The following GARRE1 variants were observed in gnomAD, a reference collection of about 807,000 sequenced individuals.
The protein encoded by GARRE1 is granule associated Rac and RHOG effector protein 1.
A neutral mutation model predicts 103.2 loss-of-function variants in GARRE1; 49 were observed. The observed-to-expected ratio is 0.47, with a 90% CI of 0.38 to 0.60. The LOEUF (loss-of-function observed/expected upper bound fraction) is 0.60. Ranked by LOEUF, GARRE1 falls within the 20% of genes least tolerant of loss-of-function variation. GARRE1 has a pLI of 0.00. For synonymous variants in GARRE1, 505 were observed against 532.8 expected, an observed-to-expected ratio of 0.95 and a Z score of 0.72; for missense variants, 1,199 against 1,370.5, an observed-to-expected ratio of 0.87 and a Z score of 1.98.
At chr19:34,268,803 A>G (rs1388516047) in intron 1 of GARRE1, among the ~76,000 whole-genome samples, 1 of 151,936 alleles carries the variant, frequency 6.6e-6, no homozygotes, top group African/African-American at 2.4e-5. Context: ...TCTTAAAAGA[A>G]GAAAGAAAAA....
At chr19:34,257,838 C>T (rs1268449582) in intron 1 of GARRE1, among the ~76,000 whole-genome samples, 1 of 151,584 alleles carries the variant, frequency 6.6e-6, no homozygotes, top group Non-Finnish European at 1.5e-5. Context: ...GCTATTCTTT[C>T]TTGCTCTCGT....
At chr19:34,320,221 C>T (rs2074079955) in intron 3 of GARRE1, 105 bp downstream of exon 3, 6 of 928,196 alleles carry the variant, frequency 6.5e-6, no homozygotes, top group Non-Finnish European at 1.0e-5. Context: ...TAGAAATGTA[C>T]ATTTTAAACT....
chr19:34,349,255 C>A, intron 12 of GARRE1, 102 bp downstream of exon 12: 1 of 1,200,640 alleles, frequency 8.3e-7, no homozygotes, highest in Non-Finnish European at 1.2e-6. Flanking sequence ...CCTCCAGTCT[C>A]CCTGTGTGAG....
At chr19:34,343,418 C>T (rs780756814) in intron 10 of GARRE1, among the ~76,000 whole-genome samples, 9 of 152,040 alleles carry the variant, frequency 5.9e-5, no homozygotes, top group Non-Finnish European at 1.3e-4. Context: ...GCCTGGCTGA[C>T]AGAGAGAAAC....
rs1156567790 is a variant in GARRE1 at position 34,342,233 on chromosome 19, G to A, written c.2299G>A (p.Ala767Thr). The A allele has an allele frequency of 4.3e-6, 7 of 1,614,126 alleles. No individual in the cohort carries two copies. In the African/African-American group the frequency reaches 9.3e-5, roughly 22 times the overall value. Residue 767 changes from alanine to threonine, a missense_variant, in exon 10 of 14, where the codon GCT becomes ACT. Physicochemically the swap from Ala to Thr is moderately conservative, Grantham distance 58. Transcript: ENST00000299505. ...TGGCTCATCCCAGCAGCCAGCGCAG[G>A]CTGTTGGAGCAGGTCTGTCTCCTCT... ...VHGSSQQPAQAVGAGLSPLGQ... is the reference protein window; with the variant it reads ...VHGSSQQPAQTVGAGLSPLGQ...
chr19:34,330,945 G>T lies in GARRE1; in HGVS notation c.1263+598G>T, dbSNP rs1221292118. On this transcript the variant is annotated intron_variant, in intron 7 of 13. Coordinates refer to ENST00000299505, the MANE Select transcript of GARRE1 (RefSeq NM_014686.5). ...GATGGAGTCTCGCTGTGTTGCACAG[G>T]CTGGAGTGCAGTGGCGTGATCTCAG... Among the ~76,000 whole-genome samples the T allele has an allele frequency of 2.0e-5, 3 of 150,676 alleles. No homozygotes were observed. In the East Asian group the frequency reaches 5.8e-4, roughly 29 times the overall value.
intron 2 of GARRE1, among the ~76,000 whole-genome samples, chr19:34,310,997 C>A (rs10412701): frequency 0.097 from 14,710 of 151,612 alleles, 1,138 homozygotes; most frequent in African/African-American, 0.21. Flanking sequence ...CTTCTTTCTG[C>A]CCCCGCCCCC....
intron 1 of GARRE1, among the ~76,000 whole-genome samples, chr19:34,268,014 C>T (rs1211449035): frequency 6.6e-6 from 1 of 151,868 alleles, no homozygotes; most frequent in Non-Finnish European, 1.5e-5. Context: ...CCTCGTGATC[C>T]ACCCGCCTTG....
intron 2 of GARRE1, among the ~76,000 whole-genome samples, chr19:34,307,552 T>C: frequency 6.7e-6 from 1 of 148,510 alleles, no homozygotes; most frequent in East Asian, 1.9e-4. Flanking sequence ...CAGACATATA[T>C]ATAAAATATG....
chr19:34,301,056 T>C, intron 2 of GARRE1, 88 bp downstream of exon 2: 1 of 1,351,884 alleles, frequency 7.4e-7, no homozygotes, highest in Non-Finnish European at 1.0e-6. Flanking sequence ...TCCAAATCAC[T>C]GTAATAGTAG....
At chr19:34,304,221 G>T (rs2073995509) in intron 2 of GARRE1, among the ~76,000 whole-genome samples, 1 of 151,946 alleles carries the variant, frequency 6.6e-6, no homozygotes, top group African/African-American at 2.4e-5. Context: ...CTCCCAAGTA[G>T]CTGGGATTAC....
intron 1 of GARRE1, among the ~76,000 whole-genome samples, chr19:34,264,677 T>A (rs1280529288): frequency 6.6e-6 from 1 of 152,194 alleles, no homozygotes; most frequent in African/African-American, 2.4e-5. Flanking sequence ...GGATTATAGG[T>A]GTGAGCCACC....
At chr19:34,325,894 A>G (rs899237711) in intron 3 of GARRE1, among the ~76,000 whole-genome samples, 2 of 151,678 alleles carry the variant, frequency 1.3e-5, no homozygotes, top group African/African-American at 2.4e-5. Flanking sequence ...CCCCACACAC[A>G]TGCAATTCCA....
chr19:34,280,441 G>A (rs2073844863), intron 1 of GARRE1, among the ~76,000 whole-genome samples: 1 of 152,148 alleles, frequency 6.6e-6, no homozygotes, highest in African/African-American at 2.4e-5. Context: ...AGTTGTAGGA[G>A]TTCTTTATAT....
intron 8 of GARRE1, among the ~76,000 whole-genome samples, chr19:34,334,147 G>A (rs1038082801): frequency 1.3e-5 from 2 of 152,164 alleles, no homozygotes; most frequent in African/African-American, 4.8e-5. Flanking sequence ...CTAAAGCCCA[G>A]TAGAGAACAT....
At chr19:34,323,981 C>T (rs2074100935) in intron 3 of GARRE1, among the ~76,000 whole-genome samples, 1 of 152,148 alleles carries the variant, frequency 6.6e-6, no homozygotes, top group Admixed American at 6.5e-5. Context: ...GCCAAGCCAC[C>T]ACCACTCCTG....
intron 1 of GARRE1, among the ~76,000 whole-genome samples, chr19:34,258,303 C>T (rs1460399339): frequency 1.3e-5 from 2 of 152,082 alleles, no homozygotes; most frequent in African/African-American, 4.8e-5. Flanking sequence ...ACCTCTTACC[C>T]CCGCTCCAAA....
chr19:34,320,260 C>A, intron 3 of GARRE1, 144 bp downstream of exon 3: 1 of 757,486 alleles, frequency 1.3e-6, no homozygotes. Flanking sequence ...ATTCATTTAA[C>A]AGTGAACATC....
intron 3 of GARRE1, among the ~76,000 whole-genome samples, chr19:34,323,976 GCCA>G (rs1219077288): frequency 6.6e-6 from 1 of 152,122 alleles, no homozygotes; most frequent in African/African-American, 2.4e-5. Flanking sequence ...ATGTGGCCAA[GCCA>G]CCACCACTCC....
Sources: gnomAD v4.1 joint callset for allele counts (sites outside exome capture counted in the v4.1 genomes callset) on GRCh38, gnomAD v4.1.1 for gene constraint, MANE v1.5 for transcripts, NCBI Gene and HGNC (gene_info 2026-07-23, HGNC 2026-07-21) for gene names.